The following CPEB3 variants were observed in gnomAD, a reference collection of about 807,000 sequenced individuals.
CPEB3 encodes cytoplasmic polyadenylation element-binding protein 3.
In CPEB3, 20 loss-of-function variants were observed where a neutral mutation model predicts 67.2. The ratio of observed to expected loss-of-function variants is 0.30; its 90% CI spans 0.21 to 0.43. CPEB3 has a LOEUF of 0.43. Among genes scored for constraint, CPEB3 ranks in the 20% least tolerant of loss-of-function variants. CPEB3 has a pLI of 1.00. For synonymous variants in CPEB3, 376 were observed against 393.1 expected (o/e 0.96, Z 0.51); for missense variants, 746 against 968.6 (o/e 0.77, Z 3.05).
At chr10:92,258,438 A>G (rs551848653) in intron 1 of CPEB3, among the ~76,000 whole-genome samples, 2 of 151,656 alleles carry the variant, frequency 1.3e-5, no homozygotes, top group South Asian at 4.2e-4. Flanking sequence ...ATTCTTCTTC[A>G]TCATACCATC....
At chr10:92,087,058 A>G (rs1843405235) in intron 8 of CPEB3, among the ~76,000 whole-genome samples, 1 of 152,236 alleles carries the variant, frequency 6.6e-6, no homozygotes, top group Admixed American at 6.5e-5. Context: ...ATAAAACAAC[A>G]ATAAAGGATA....
chr10:92,247,365 G>A (rs1205381438), intron 1 of CPEB3, among the ~76,000 whole-genome samples: 4 of 151,910 alleles, frequency 2.6e-5, no homozygotes, highest in East Asian at 1.9e-4. Flanking sequence ...CTACAGGCAC[G>A]CACCACCAAG....
chr10:92,221,135 G>T (rs928356363), intron 2 of CPEB3, among the ~76,000 whole-genome samples: 4 of 152,190 alleles, frequency 2.6e-5, no homozygotes, highest in Admixed American at 2.6e-4. Flanking sequence ...AGCAATACCT[G>T]TCAAGTTAAT....
At chr10:92,236,015 C>T (rs1477464981) in intron 2 of CPEB3, among the ~76,000 whole-genome samples, 1 of 152,104 alleles carries the variant, frequency 6.6e-6, no homozygotes, top group East Asian at 1.9e-4. Flanking sequence ...ATTACTTATG[C>T]ACCAAACTAA....
chr10:92,107,900 T>C (rs1169429165), intron 7 of CPEB3, among the ~76,000 whole-genome samples: 1 of 152,112 alleles, frequency 6.6e-6, no homozygotes, highest in Non-Finnish European at 1.5e-5. Flanking sequence ...TAAGAAGTAG[T>C]CACTGATGAA....
At chr10:92,278,134 G>A (rs541111686) in intron 1 of CPEB3, among the ~76,000 whole-genome samples, 3 of 151,384 alleles carry the variant, frequency 2.0e-5, no homozygotes, top group East Asian at 1.9e-4. Context: ...GCAGTGAGCC[G>A]AGATTGCGCC....
intron 4 of CPEB3, among the ~76,000 whole-genome samples, chr10:92,162,973 TAG>T (rs1847566554): frequency 2.6e-5 from 4 of 152,148 alleles, no homozygotes; most frequent in Admixed American, 2.6e-4. Context: ...TCCCCCACCA[TAG>T]TATATTTGTA....
chr10:92,096,025 C>T (rs1444251103), intron 7 of CPEB3, among the ~76,000 whole-genome samples: 1 of 139,884 alleles, frequency 7.1e-6, no homozygotes, highest in Non-Finnish European at 1.5e-5. Context: ...TGCCACCACA[C>T]CTGGCTGATT....
chr10:92,192,394 CAA>C, intron 3 of CPEB3, 81 bp downstream of exon 3: 4 of 1,352,540 alleles, frequency 3.0e-6, no homozygotes, highest in Non-Finnish European at 4.1e-6. Context: ...AAACAAAAAA[CAA>C]ACCAGAAAAA....
chr10:92,232,438 G>T (rs1255173654), intron 2 of CPEB3, among the ~76,000 whole-genome samples: 2 of 151,918 alleles, frequency 1.3e-5, no homozygotes, highest in Non-Finnish European at 2.9e-5. Context: ...CAACTGGATG[G>T]CATTACACCT....
intron 1 of CPEB3, among the ~76,000 whole-genome samples, chr10:92,269,488 T>C (rs1238472405): frequency 6.6e-6 from 1 of 152,186 alleles, no homozygotes; most frequent in Non-Finnish European, 1.5e-5. Context: ...CACTTTTTTA[T>C]ACATGTTGCT....
chr10:92,208,453 T>C (rs1277484152), intron 2 of CPEB3, among the ~76,000 whole-genome samples: 1 of 152,234 alleles, frequency 6.6e-6, no homozygotes, highest in Admixed American at 6.5e-5. Context: ...AGAAGAAACT[T>C]GCTATTTACA....
chr10:92,100,718 A>G (rs964773371), intron 7 of CPEB3, among the ~76,000 whole-genome samples: 1 of 152,108 alleles, frequency 6.6e-6, no homozygotes, highest in African/African-American at 2.4e-5. Context: ...CAGCCTCCCA[A>G]GTAGCTGGGA....
chr10:92,104,188 G>GT (rs1844324735), intron 7 of CPEB3, among the ~76,000 whole-genome samples: 1 of 152,102 alleles, frequency 6.6e-6, no homozygotes, highest in South Asian at 2.1e-4. Context: ...AATGCACAAA[G>GT]TAAGTGCTCA....
At chr10:92,252,558 A>T (rs1852343686) in intron 1 of CPEB3, among the ~76,000 whole-genome samples, 1 of 152,234 alleles carries the variant, frequency 6.6e-6, no homozygotes, top group Admixed American at 6.5e-5. Context: ...ATGGATAAAT[A>T]AATTTGTGAG....
intron 1 of CPEB3, among the ~76,000 whole-genome samples, chr10:92,250,076 G>A (rs1448699685): frequency 6.6e-6 from 1 of 151,234 alleles, no homozygotes; most frequent in East Asian, 1.9e-4. Flanking sequence ...ATTTTAAGCT[G>A]TTATTACAAG....
At chr10:92,061,291 T>C (rs1172685464) in intron 9 of CPEB3, among the ~76,000 whole-genome samples, 1 of 151,636 alleles carries the variant, frequency 6.6e-6, no homozygotes, top group Non-Finnish European at 1.5e-5. Flanking sequence ...TGGTGGCGGG[T>C]GCCTGTAATC....
At chr10:92,152,779 G>T (rs1847022896) in intron 4 of CPEB3, among the ~76,000 whole-genome samples, 1 of 151,960 alleles carries the variant, frequency 6.6e-6, no homozygotes, top group African/African-American at 2.4e-5. Context: ...ATTCTTTTCT[G>T]CCTAGTATTT....
chr10:92,246,612 G>C (rs1190587047), intron 1 of CPEB3, among the ~76,000 whole-genome samples: 1 of 151,274 alleles, frequency 6.6e-6, no homozygotes, highest in Non-Finnish European at 1.5e-5. Context: ...GGGTCCAAGC[G>C]ATTCTCCTGC....
Sources: gnomAD v4.1 joint callset for allele counts (sites outside exome capture counted in the v4.1 genomes callset) on GRCh38, gnomAD v4.1.1 for gene constraint, MANE v1.5 for transcripts, NCBI Gene and HGNC (gene_info 2026-07-23, HGNC 2026-07-21) for gene names.